The following TRANK1 variants were observed in gnomAD, a reference collection of about 807,000 sequenced individuals.
TRANK1 encodes the protein tetratricopeptide repeat and ankyrin repeat containing 1.
TRANK1 carries 198 observed loss-of-function variants against 266.0 expected under a neutral mutation model. The ratio of observed to expected loss-of-function variants is 0.74; its 90% CI spans 0.66 to 0.84. The LOEUF (loss-of-function observed/expected upper bound fraction) is 0.84, where lower values mean the gene tolerates loss of function less well. TRANK1 is among the 40% of genes least tolerant of loss of function. TRANK1 has a pLI of 0.00. For synonymous variants in TRANK1, 1,396 were observed against 1,384.1 expected, an observed-to-expected ratio of 1.01 and a Z score of -0.19; for missense variants, 3,326 against 3,634.6, an observed-to-expected ratio of 0.92 and a Z score of 2.18.
Position 36,845,032 on chromosome 3 carries a change from C to T in TRANK1, c.5191+1216G>A, listed in dbSNP as rs185466563. On this transcript the variant is annotated intron_variant, in intron 17 of 23. Coordinates refer to ENST00000645898, the MANE Select transcript of TRANK1 (RefSeq NM_001329998.2). ...ACTTCACTTCGTTAGGTAGCCTTTG[C>T]AAATTATGAAAAAAAAATACACAAT... Among the ~76,000 whole-genome samples, 51 of 149,822 alleles carry T rather than the reference C, an allele frequency of 3.4e-4. No individual in the cohort carries two copies. The East Asian group carries it at 5.1e-3, about 15-fold the overall frequency.
rs1239245680 is a variant in TRANK1 at position 36,847,230 on chromosome 3, T to C, written c.5004A>G (p.Arg1668=). 1 of 1,613,316 alleles carries C rather than the reference T, an allele frequency of 6.2e-7. No homozygotes were observed. Among genetic ancestry groups the C allele is most frequent in the African/African-American group, 1.3e-5 (1 of 74,898 alleles). ...ACATTTCTGGATTCACCATGAGAGA[T>C]CGACCCTGAGAAGAGCCTGGTTTGT... ...PLDKPGSSQG[R]SLMVNPEMYK... is the part of the protein sequence containing the mutation. Residue 1668 remains arginine, a synonymous_variant, in exon 16 of 24, where the codon CGA becomes CGG. Transcript: ENST00000645898.
rs1253113309 is a variant in TRANK1, at chr3:36,856,289, T to C, written c.3433A>G (p.Ile1145Val). The C allele has an allele frequency of 1.3e-6, 2 of 1,594,456 alleles. No individual in the cohort carries two copies. Among genetic ancestry groups the C allele is most frequent in the African/African-American group, 1.3e-5 (1 of 74,598 alleles). ...ATGCTTTCTACTGTTTCCACTTCAA[T>C]AGAATCTTCCTCTTCCTCGTCCTCT... The part of the protein sequence containing the change: ...EEEDEEEEDS[I>V]EVETVESIDE... The change falls in exon 13 of 24, where the codon ATT (isoleucine) becomes GTT (valine). Residue 1145 changes from isoleucine to valine, a missense_variant. By Grantham distance (29) the Ile-to-Val change is conservative (BLOSUM62 3). Transcript: ENST00000645898.
At chr3:36,933,225 T>G (rs1044145435) in intron 1 of TRANK1, among the ~76,000 whole-genome samples, 2 of 152,220 alleles carry the variant, frequency 1.3e-5, no homozygotes. Context: ...GGGATTAGTT[T>G]AGAATTTACG....
rs1463693100 is a variant in TRANK1 at position 36,880,044 on chromosome 3, ATG to A, written c.908-5750_908-5749del. The A allele has an allele frequency of 2.3e-3, 193 of 82,840 alleles. 60 individuals carry two copies. Among genetic ancestry groups the A allele is most frequent in the African/African-American group, 4.5e-3 (95 of 21,098 alleles). The allele number at this position is 82,840 out of a possible 1,614,324, so 5.1% of individuals were successfully genotyped here. A position where few individuals can be genotyped will look rare whatever the true frequency, so the allele number is the denominator to read the frequency against. On this transcript the variant is annotated intron_variant, in intron 8 of 23. Transcript: ENST00000645898. ...CAAATATATGTAAACATGCAAATAT[ATG>A]TAAACATACAAATATATGTAAACAT...
At chr3:36,853,164 A>G (rs963616124) in intron 13 of TRANK1, among the ~76,000 whole-genome samples, 1 of 152,334 alleles carries the variant, frequency 6.6e-6, no homozygotes, top group Admixed American at 6.5e-5. Flanking sequence ...AATCCTCACA[A>G]CAACAAATCC....
intron 3 of TRANK1, among the ~76,000 whole-genome samples, chr3:36,901,984 C>T (rs757004968): frequency 6.6e-6 from 1 of 152,154 alleles, no homozygotes; most frequent in Non-Finnish European, 1.5e-5. Context: ...GGAATGCACT[C>T]CCATTTTCAA....
At chr3:36,943,861 A>G (rs2080532480) in intron 1 of TRANK1, among the ~76,000 whole-genome samples, 2 of 152,212 alleles carry the variant, frequency 1.3e-5, no homozygotes. Context: ...TCAGAGCCCC[A>G]TTCTCTTTCT....
At chr3:36,874,906 GCA>G (rs1559445302) in intron 8 of TRANK1, among the ~76,000 whole-genome samples, 1 of 151,696 alleles carries the variant, frequency 6.6e-6, no homozygotes, top group African/African-American at 2.4e-5. Context: ...ACTTAAATGG[GCA>G]CAGAGAGTTA....
chr3:36,854,330 G>A (rs999154482), intron 13 of TRANK1, among the ~76,000 whole-genome samples: 8 of 151,760 alleles, frequency 5.3e-5, no homozygotes, highest in African/African-American at 1.5e-4. Context: ...ACTGCACTCC[G>A]GCCTGAGCAA....
chr3:36,930,284 TC>T (rs1442986902), intron 1 of TRANK1, among the ~76,000 whole-genome samples: 1 of 152,076 alleles, frequency 6.6e-6, no homozygotes, highest in African/African-American at 2.4e-5. Context: ...GAACAGAGGC[TC>T]CCAGCTGACG....
intron 8 of TRANK1, among the ~76,000 whole-genome samples, chr3:36,879,835 T>TACAAATATATGTAAAC (rs2079475161): frequency 2.0e-5 from 2 of 101,894 alleles, no homozygotes; most frequent in Non-Finnish European, 1.8e-5. Flanking sequence ...TATATGTAAA[T>TACAAATATATGTAAAC]ATACAAATAT....
chr3:36,858,248 A>C (rs534057930), intron 12 of TRANK1, among the ~76,000 whole-genome samples, 199 bp from the exon 13 acceptor site: 1 of 152,294 alleles, frequency 6.6e-6, no homozygotes, highest in South Asian at 2.1e-4. Context: ...CAATGTATAG[A>C]GACATTTTTT....
Position 36,879,923 on chromosome 3 carries a change from A to AATAT in TRANK1, c.908-5628_908-5627insATAT, listed in dbSNP as rs2079487383. Among the ~76,000 whole-genome samples, 13 of 42,148 alleles carry AATAT rather than the reference A, an allele frequency of 3.1e-4. 5 individuals are homozygous for AATAT. The highest frequency in any genetic ancestry group is 1.3e-3 in the African/African-American group (12 of 8,960). 27.7% of individuals were successfully genotyped at this position (42,148 alleles called of 152,430 possible). Reference sequence around the variant, plus strand: ...ATATGTAAACATGCAAATATATGTAAACATGCAAATATATGTAAACATGCA... The same window carrying AATAT: ...ATATGTAAACATGCAAATATATGTAAATATACATGCAAATATATGTAAACATGCA... On this transcript the variant is annotated intron_variant, in intron 8 of 23. Coordinates refer to ENST00000645898, the MANE Select transcript of TRANK1 (RefSeq NM_001329998.2).
chr3:36,940,317 G>T (rs2080480131), intron 1 of TRANK1, among the ~76,000 whole-genome samples: 1 of 150,010 alleles, frequency 6.7e-6, no homozygotes, highest in Admixed American at 6.6e-5. Flanking sequence ...CTAACATGGT[G>T]AAACCCTGTC....
At chr3:36,866,105 AAAGAAAG>A (rs2079222122) in intron 9 of TRANK1, among the ~76,000 whole-genome samples, 1 of 151,746 alleles carries the variant, frequency 6.6e-6, no homozygotes, top group South Asian at 2.1e-4. Flanking sequence ...AGAAAGAAAG[AAAGAAAG>A]AAAGAGTCAC....
At position 36,833,181 on chromosome 3, in the gene TRANK1, A is replaced by G. The variant is rs1020693839; in HGVS notation, c.6402T>C (p.Pro2134=). The change falls in exon 22 of 24, where the codon CCT becomes CCC. Residue 2134 remains proline, a synonymous_variant. Transcript: ENST00000645898. ...CAAAAATTATTCTTAATATGGGCCC[A>G]GGGTCATTCTGAGCTATCTGGCAAT... The part of the protein sequence containing the change: ...AKYCQIAQND[P]GPILRIIFDL... 6.2e-7 allele frequency: 1 copy of G among 1,613,930 alleles called. No individual in the cohort carries two copies. Among genetic ancestry groups the G allele is most frequent in the East Asian group, 2.2e-5 (1 of 44,884 alleles).
At chr3:36,858,986 G>A (rs780340048) in intron 11 of TRANK1, 92 bp from the exon 12 acceptor site, 21 of 1,366,058 alleles carry the variant, frequency 1.5e-5, no homozygotes, top group Non-Finnish European at 1.9e-5. Flanking sequence ...CAGTTGCAAG[G>A]GAAGAGCTAA....
chr3:36,851,685 A>G (rs756056309), intron 15 of TRANK1, 34 bp downstream of exon 15: 1 of 1,593,244 alleles, frequency 6.3e-7, no homozygotes, highest in Admixed American at 1.8e-5. Flanking sequence ...ATACATAAAT[A>G]TTCATTGTGT....
chr3:36,897,298 C>A (rs1315509197), intron 4 of TRANK1, among the ~76,000 whole-genome samples: 1 of 152,098 alleles, frequency 6.6e-6, no homozygotes, highest in East Asian at 1.9e-4. Flanking sequence ...GAGCAAGACA[C>A]CGTCTCAAAA....
Sources: allele counts gnomAD v4.1 joint callset (sites outside exome capture counted in the v4.1 genomes callset), GRCh38; gene constraint gnomAD v4.1.1; transcripts MANE v1.5; gene names NCBI Gene and HGNC (gene_info 2026-07-23, HGNC 2026-07-21).